Variants in FSD1L observed in about 807,000 individuals in gnomAD.
FSD1L encodes the protein FSD1-like protein.
In FSD1L, 45 loss-of-function variants were observed where a neutral mutation model predicts 71.6. The observed-to-expected ratio is 0.63, with a 90% CI of 0.49 to 0.81. The LOEUF (loss-of-function observed/expected upper bound fraction) is 0.81. FSD1L is among the 30% of genes least tolerant of loss of function. The probability of loss-of-function intolerance (pLI) is 0.00; values close to 1 mark genes in which losing one functional copy is unlikely to be tolerated. For missense variants in FSD1L, 561 were observed against 618.1 expected (o/e 0.91, Z 0.98); for synonymous variants, 197 against 207.2 (o/e 0.95, Z 0.42).
At chr9:105,505,010 T>C (rs1833968575) in intron 7 of FSD1L, among the ~76,000 whole-genome samples, 1 of 152,228 alleles carries the variant, frequency 6.6e-6, no homozygotes, top group Non-Finnish European at 1.5e-5. Flanking sequence ...TTGATATAAC[T>C]GATGAATCAA....
intron 5 of FSD1L, among the ~76,000 whole-genome samples, chr9:105,474,230 C>G (rs1340478484): frequency 3.9e-5 from 6 of 152,066 alleles, no homozygotes; most frequent in Non-Finnish European, 8.8e-5. Flanking sequence ...ATCCTGTAGG[C>G]AATTGCAATA....
chr9:105,475,645 G>C (rs1309295247), intron 5 of FSD1L, among the ~76,000 whole-genome samples: 1 of 152,128 alleles, frequency 6.6e-6, no homozygotes, highest in Non-Finnish European at 1.5e-5. Context: ...GTTAAGCACA[G>C]GTCAAATTGT....
chr9:105,546,159 G>A (rs551539455), intron 13 of FSD1L, among the ~76,000 whole-genome samples, 199 bp from the exon 14 acceptor site: 1 of 152,146 alleles, frequency 6.6e-6, no homozygotes, highest in South Asian at 2.1e-4. Flanking sequence ...CTACCACCAA[G>A]ACCTCCTCTG....
chr9:105,515,722 A>C (rs1391998033), intron 10 of FSD1L, among the ~76,000 whole-genome samples: 1 of 151,808 alleles, frequency 6.6e-6, no homozygotes, highest in African/African-American at 2.4e-5. Flanking sequence ...CTACCCCACC[A>C]GGGCCCTGGG....
chr9:105,460,381 G>T (rs987955025), intron 1 of FSD1L, among the ~76,000 whole-genome samples: 3 of 152,072 alleles, frequency 2.0e-5, no homozygotes, highest in Non-Finnish European at 4.4e-5. Flanking sequence ...CACAAGGTCA[G>T]GAGTTCGAGA....
intron 10 of FSD1L, among the ~76,000 whole-genome samples, chr9:105,533,500 A>G (rs1057200587): frequency 6.1e-5 from 8 of 130,408 alleles, no homozygotes; most frequent in Non-Finnish European, 1.1e-4. Context: ...TCGGCTCACT[A>G]CAACCTCTGC....
intron 1 of FSD1L, among the ~76,000 whole-genome samples, chr9:105,460,180 G>A (rs913788634): frequency 6.6e-6 from 1 of 152,198 alleles, no homozygotes; most frequent in African/African-American, 2.4e-5. Context: ...AACACAGATT[G>A]TAGAGTTTCT....
chr9:105,521,058 A>G, intron 10 of FSD1L: 2 of 1,613,272 alleles, frequency 1.2e-6, no homozygotes, highest in Non-Finnish European at 1.7e-6. Context: ...TATACTTGAC[A>G]TCCCGCAGAT....
chr9:105,449,879 C>T (rs1465036148), intron 1 of FSD1L, among the ~76,000 whole-genome samples: 1 of 152,158 alleles, frequency 6.6e-6, no homozygotes, highest in Non-Finnish European at 1.5e-5. Context: ...TACAGGTTAC[C>T]ACGTGCAGTT....
At chr9:105,494,547 G>A (rs12555655) in intron 7 of FSD1L, among the ~76,000 whole-genome samples, 4 of 152,200 alleles carry the variant, frequency 2.6e-5, no homozygotes, top group South Asian at 4.1e-4. Flanking sequence ...CTGGTGAGGA[G>A]CTGCGTTCCT....
chr9:105,447,159 G>A (rs1022160369), upstream of FSD1L, among the ~76,000 whole-genome samples: 14 of 151,136 alleles, frequency 9.3e-5, no homozygotes, highest in Admixed American at 8.6e-4. Context: ...ACCAGTCTCC[G>A]CTAAAAGTAC....
intron 9 of FSD1L, 71 bp downstream of exon 9, chr9:105,508,786 A>G: frequency 1.1e-6 from 1 of 886,812 alleles, no homozygotes; most frequent in South Asian, 1.7e-5. Flanking sequence ...ACTTTGTAAC[A>G]GGAAGCACTT....
intron 3 of FSD1L, among the ~76,000 whole-genome samples, chr9:105,466,357 A>G (rs148945419): frequency 9.2e-4 from 140 of 152,350 alleles, no homozygotes; most frequent in African/African-American, 3.2e-3. Context: ...TACCAATGTC[A>G]TTTTCCACAG....
At chr9:105,521,497 T>C in intron 10 of FSD1L, 1 of 1,613,968 alleles carries the variant, frequency 6.2e-7, no homozygotes, top group Non-Finnish European at 8.5e-7. Context: ...ACAGAGATAT[T>C]TCGTCAGGCA....
intron 12 of FSD1L, among the ~76,000 whole-genome samples, chr9:105,538,834 C>T (rs1174225069): frequency 6.6e-6 from 1 of 152,024 alleles, no homozygotes; most frequent in Non-Finnish European, 1.5e-5. Flanking sequence ...ACTGGAGTAT[C>T]AGTATCGCAT....
chr9:105,515,803 T>C (rs79747210), intron 10 of FSD1L, among the ~76,000 whole-genome samples: 2 of 151,614 alleles, frequency 1.3e-5, no homozygotes, highest in Non-Finnish European at 2.9e-5. Flanking sequence ...TTTTTTTTTT[T>C]CCATACTCCA....
At chr9:105,489,268 C>T (rs1292317560) in intron 7 of FSD1L, among the ~76,000 whole-genome samples, 3 of 151,994 alleles carry the variant, frequency 2.0e-5, no homozygotes, top group East Asian at 1.9e-4. Flanking sequence ...CACTGATCTA[C>T]GATAAGAAAC....
At chr9:105,447,387 C>T (rs1376912187), upstream of FSD1L, among the ~76,000 whole-genome samples, 1 of 149,748 alleles carries the variant, frequency 6.7e-6, no homozygotes, top group African/African-American at 2.5e-5. Context: ...AATTATGTAC[C>T]ATACGTTATT....
At chr9:105,446,911 T>C (rs1408620393), upstream of FSD1L, among the ~76,000 whole-genome samples, 2 of 152,158 alleles carry the variant, frequency 1.3e-5, no homozygotes, top group African/African-American at 4.8e-5. Context: ...AAATGGAAGA[T>C]GAGGCCTGTC....
Sources: gnomAD v4.1 joint callset for allele counts (sites outside exome capture counted in the v4.1 genomes callset) on GRCh38, gnomAD v4.1.1 for gene constraint, MANE v1.5 for transcripts, NCBI Gene and HGNC (gene_info 2026-07-23, HGNC 2026-07-21) for gene names.